The following RSRC1 variants were observed in gnomAD, a reference collection of about 807,000 sequenced individuals.
RSRC1 encodes arginine and serine rich coiled-coil 1, also known as serine/Arginine-related protein 53.
Under a neutral mutation model 49.1 loss-of-function variants are expected in RSRC1, and 39 were observed. The ratio of observed to expected loss-of-function variants is 0.79; its 90% confidence interval spans 0.61 to 1.04. The LOEUF (loss-of-function observed/expected upper bound fraction) is 1.04, where lower values mean the gene tolerates loss of function less well. Ranked by LOEUF, RSRC1 falls within the 50% of genes least tolerant of loss-of-function variation. The pLI is 0.00. For missense variants in RSRC1, 388 were observed against 402.4 expected (o/e 0.96, Z 0.31); for synonymous variants, 143 against 130.8 (o/e 1.09, Z -0.63).
intron 5 of RSRC1, among the ~76,000 whole-genome samples, chr3:158,319,414 C>T (rs1350637309): frequency 1.3e-5 from 2 of 152,148 alleles, no homozygotes; most frequent in Non-Finnish European, 2.9e-5. Flanking sequence ...AATTAAACCT[C>T]TTTTCTTTAT....
intron 6 of RSRC1, among the ~76,000 whole-genome samples, chr3:158,378,817 A>C (rs1732527746): frequency 6.6e-6 from 1 of 152,154 alleles, no homozygotes; most frequent in African/African-American, 2.4e-5. Flanking sequence ...TACTACAACC[A>C]TGACCTACCC....
chr3:158,152,288 G>C (rs1455432530), intron 3 of RSRC1, among the ~76,000 whole-genome samples: 2 of 152,080 alleles, frequency 1.3e-5, no homozygotes, highest in Non-Finnish European at 2.9e-5. Context: ...ATTTTTGCTA[G>C]GGTGACCAAC....
intron 6 of RSRC1, among the ~76,000 whole-genome samples, chr3:158,436,006 A>C (rs563217589): frequency 6.6e-6 from 1 of 152,000 alleles, no homozygotes; most frequent in Admixed American, 6.6e-5. Flanking sequence ...TCTTGTCTTA[A>C]ATGTTTCTAA....
chr3:158,333,559 C>T lies in RSRC1; in HGVS notation c.532-21298C>T, dbSNP rs181950234. Reference sequence around the variant, plus strand: ...TTTGAACACATTGGTTCAGACAGCTCGATATTTAATATATTTTTTAGGACA... The same window carrying T: ...TTTGAACACATTGGTTCAGACAGCTTGATATTTAATATATTTTTTAGGACA... On this transcript the variant is annotated intron_variant, in intron 5 of 9. Transcript: ENST00000611884. 3.3e-5 allele frequency among the ~76,000 whole-genome samples: 5 copies of T among 152,144 alleles called. No individual in the cohort carries two copies. In the East Asian group the frequency reaches 9.7e-4, roughly 29 times the overall value.
intron 6 of RSRC1, among the ~76,000 whole-genome samples, chr3:158,448,128 C>T (rs1736821163): frequency 6.6e-6 from 1 of 151,598 alleles, no homozygotes; most frequent in Non-Finnish European, 1.5e-5. Flanking sequence ...GTGGCCAAAC[C>T]GACTTCAAAT....
intron 4 of RSRC1, among the ~76,000 whole-genome samples, chr3:158,240,381 A>G (rs988889495): frequency 2.6e-5 from 4 of 152,114 alleles, no homozygotes; most frequent in African/African-American, 7.2e-5. Flanking sequence ...TTTTTTCTAT[A>G]TCAATTGAAA....
intron 4 of RSRC1, among the ~76,000 whole-genome samples, chr3:158,250,279 GGAGT>G (rs1439551683): frequency 6.6e-6 from 1 of 152,126 alleles, no homozygotes; most frequent in Non-Finnish European, 1.5e-5. Flanking sequence ...AATAAACGTG[GGAGT>G]GCAGATGATC....
chr3:158,340,697 C>T (rs566930056), intron 5 of RSRC1, among the ~76,000 whole-genome samples: 11 of 152,166 alleles, frequency 7.2e-5, no homozygotes, highest in Non-Finnish European at 1.5e-4. Flanking sequence ...TGAAAACGGA[C>T]TAATACAGTA....
intron 3 of RSRC1, among the ~76,000 whole-genome samples, chr3:158,128,859 G>A (rs1043858366): frequency 5.9e-5 from 9 of 152,088 alleles, no homozygotes; most frequent in Non-Finnish European, 7.4e-5. Flanking sequence ...TTTGTAGATT[G>A]CCCCTCAGCC....
At chr3:158,236,596 CATA>C (rs1723261189) in intron 4 of RSRC1, among the ~76,000 whole-genome samples, 1 of 152,166 alleles carries the variant, frequency 6.6e-6, no homozygotes, top group Admixed American at 6.5e-5. Context: ...TTTTGCTCAG[CATA>C]ATGTTTGAGA....
intron 6 of RSRC1, among the ~76,000 whole-genome samples, chr3:158,413,476 A>G (rs1734572659): frequency 6.6e-6 from 1 of 152,214 alleles, no homozygotes; most frequent in Admixed American, 6.5e-5. Context: ...AACAAAAGCA[A>G]AAATTGACAA....
intron 3 of RSRC1, among the ~76,000 whole-genome samples, chr3:158,184,738 T>A (rs763641593): frequency 6.6e-6 from 1 of 152,112 alleles, no homozygotes; most frequent in Non-Finnish European, 1.5e-5. Context: ...CTTTATAATG[T>A]TTAAGGATAC....
chr3:158,257,062 C>G (rs947907503), intron 4 of RSRC1, among the ~76,000 whole-genome samples: 1 of 152,028 alleles, frequency 6.6e-6, no homozygotes, highest in Admixed American at 6.6e-5. Context: ...TTTTTTGTGT[C>G]TCTATCTCCT....
chr3:158,248,381 A>G (rs985508605), intron 4 of RSRC1, among the ~76,000 whole-genome samples: 45 of 152,158 alleles, frequency 3.0e-4, no homozygotes, highest in Admixed American at 2.7e-3. Flanking sequence ...GTTCCTTTGA[A>G]TGATAAGTAA....
chr3:158,434,338 T>C (rs1735932039), intron 6 of RSRC1, among the ~76,000 whole-genome samples: 1 of 151,770 alleles, frequency 6.6e-6, no homozygotes, highest in African/African-American at 2.4e-5. Context: ...TTACAGTGTC[T>C]TCCCAAAAAA....
intron 5 of RSRC1, among the ~76,000 whole-genome samples, chr3:158,319,022 T>C (rs1486903761): frequency 6.6e-6 from 1 of 152,122 alleles, no homozygotes; most frequent in African/African-American, 2.4e-5. Flanking sequence ...AACTGAAACA[T>C]TGTCATGAGG....
intron 4 of RSRC1, among the ~76,000 whole-genome samples, chr3:158,210,356 G>A (rs954402362): frequency 1.3e-5 from 2 of 151,212 alleles, no homozygotes; most frequent in East Asian, 1.9e-4. Context: ...AAAATTTATT[G>A]AAAAAGACGA....
chr3:158,130,837 G>C (rs1232480696), intron 3 of RSRC1, among the ~76,000 whole-genome samples: 2 of 152,032 alleles, frequency 1.3e-5, no homozygotes, highest in Non-Finnish European at 2.9e-5. Context: ...ACATATTTTT[G>C]TATGTTTAGT....
intron 5 of RSRC1, among the ~76,000 whole-genome samples, chr3:158,317,986 C>G (rs1050906217): frequency 6.6e-6 from 1 of 152,108 alleles, no homozygotes; most frequent in Non-Finnish European, 1.5e-5. Context: ...CCAACACTAA[C>G]TCATAAACTT....
Sources: allele counts gnomAD v4.1 joint callset (sites outside exome capture counted in the v4.1 genomes callset), GRCh38; gene constraint gnomAD v4.1.1; transcripts MANE v1.5; gene names NCBI Gene and HGNC (gene_info 2026-07-23, HGNC 2026-07-21).